SEMA3C: variants seen among roughly 807,000 people sequenced by gnomAD.
SEMA3C encodes semaphorin 3C.
In SEMA3C, 47 loss-of-function variants were observed where a neutral mutation model predicts 89.4. The ratio of observed to expected loss-of-function variants is 0.53; its 90% confidence interval spans 0.42 to 0.67. The LOEUF (loss-of-function observed/expected upper bound fraction) is 0.67. Ranked by LOEUF, SEMA3C falls within the 30% of genes least tolerant of loss-of-function variation. SEMA3C has a pLI of 0.00. For synonymous variants in SEMA3C, 310 were observed against 320.2 expected (o/e 0.97, Z 0.34); for missense variants, 839 against 929.1 (o/e 0.90, Z 1.26).
At chr7:80,761,132 A>G (rs927989856) in intron 14 of SEMA3C, among the ~76,000 whole-genome samples, 11 of 152,066 alleles carry the variant, frequency 7.2e-5, no homozygotes, top group African/African-American at 2.7e-4. Context: ...TTTTTTTGAC[A>G]TGTTTAAATC....
At chr7:80,783,584 G>A (rs954362989) in intron 12 of SEMA3C, among the ~76,000 whole-genome samples, 2 of 152,140 alleles carry the variant, frequency 1.3e-5, no homozygotes, top group Non-Finnish European at 2.9e-5. Context: ...GACAGTCATC[G>A]TTTCTGAACT....
At chr7:80,821,055 ATATC>A (rs1411002535) in intron 4 of SEMA3C, among the ~76,000 whole-genome samples, 4 of 152,320 alleles carry the variant, frequency 2.6e-5, no homozygotes, top group African/African-American at 4.8e-5. Flanking sequence ...TTTCATGTAT[ATATC>A]TATCTGCTTA....
intron 12 of SEMA3C, among the ~76,000 whole-genome samples, chr7:80,787,386 C>T (rs1189297811): frequency 7.7e-6 from 1 of 130,316 alleles, no homozygotes; most frequent in Non-Finnish European, 1.6e-5. Flanking sequence ...AGCAAGACTC[C>T]GTTTAAAAAA....
chr7:80,899,366 T>C (rs892235227), intron 2 of SEMA3C, among the ~76,000 whole-genome samples: 1 of 152,192 alleles, frequency 6.6e-6, no homozygotes, highest in Non-Finnish European at 1.5e-5. Flanking sequence ...GTAACAAATA[T>C]GTTCGTAGAC....
chr7:80,747,365 G>T (rs1462169424), intron 17 of SEMA3C, among the ~76,000 whole-genome samples: 2 of 151,898 alleles, frequency 1.3e-5, no homozygotes, highest in African/African-American at 4.8e-5. Context: ...TTAAATCATA[G>T]ATGTTATATT....
At chr7:80,824,179 T>C (rs1392682808) in intron 4 of SEMA3C, among the ~76,000 whole-genome samples, 1 of 152,218 alleles carries the variant, frequency 6.6e-6, no homozygotes, top group Non-Finnish European at 1.5e-5. Flanking sequence ...TCAGTTGTTA[T>C]AGCAGTATGG....
At chr7:80,776,867 T>G (rs540495809) in intron 12 of SEMA3C, among the ~76,000 whole-genome samples, 2 of 152,184 alleles carry the variant, frequency 1.3e-5, no homozygotes, top group African/African-American at 4.8e-5. Flanking sequence ...TTTTTTTGGT[T>G]TTGTTCACTG....
intron 2 of SEMA3C, among the ~76,000 whole-genome samples, chr7:80,895,462 T>C (rs1389734345): frequency 2.0e-5 from 3 of 152,194 alleles, no homozygotes; most frequent in Non-Finnish European, 4.4e-5. Context: ...AATGTTCAGA[T>C]GCAGCAATCT....
At chr7:80,856,031 A>G (rs956182218) in intron 2 of SEMA3C, among the ~76,000 whole-genome samples, 3 of 152,172 alleles carry the variant, frequency 2.0e-5, no homozygotes, top group Non-Finnish European at 4.4e-5. Flanking sequence ...ATTAAATATA[A>G]GGAGATAACA....
intron 2 of SEMA3C, among the ~76,000 whole-genome samples, chr7:80,912,184 A>G (rs1297954363): frequency 6.6e-6 from 1 of 152,162 alleles, no homozygotes. Context: ...CATTTTTCTA[A>G]AATTTTTTCT....
chr7:80,889,299 A>C (rs1791556204), intron 2 of SEMA3C, among the ~76,000 whole-genome samples: 1 of 152,226 alleles, frequency 6.6e-6, no homozygotes, highest in Admixed American at 6.5e-5. Flanking sequence ...AGTTTACAGG[A>C]ATAAGATGTA....
At chr7:80,879,158 A>G (rs1204751963) in intron 2 of SEMA3C, among the ~76,000 whole-genome samples, 1 of 152,116 alleles carries the variant, frequency 6.6e-6, no homozygotes, top group African/African-American at 2.4e-5. Context: ...TTGCTACCAA[A>G]CAAGAGAAGG....
At chr7:80,802,442 T>C (rs569223211) in intron 9 of SEMA3C, among the ~76,000 whole-genome samples, 1 of 152,284 alleles carries the variant, frequency 6.6e-6, no homozygotes, top group South Asian at 2.1e-4. Flanking sequence ...TCATATATTA[T>C]GGTGAATTCA....
chr7:80,809,921 C>CA (rs1480333620), intron 6 of SEMA3C, among the ~76,000 whole-genome samples: 4 of 151,580 alleles, frequency 2.6e-5, no homozygotes, highest in Non-Finnish European at 4.4e-5. Flanking sequence ...CTCATAGAAA[C>CA]AGAGGGTAGA....
At chr7:80,890,818 T>A (rs1562972102) in intron 2 of SEMA3C, among the ~76,000 whole-genome samples, 1 of 152,258 alleles carries the variant, frequency 6.6e-6, no homozygotes, top group Non-Finnish European at 1.5e-5. Context: ...TCAAATGTGC[T>A]GTGCCTTAAA....
At chr7:80,798,444 G>A (rs1789119301) in intron 10 of SEMA3C, among the ~76,000 whole-genome samples, 1 of 152,158 alleles carries the variant, frequency 6.6e-6, no homozygotes, top group African/African-American at 2.4e-5. Context: ...CATGGAGTCA[G>A]TAGACAATAA....
At chr7:80,812,970 T>A (rs1341528596) in intron 5 of SEMA3C, among the ~76,000 whole-genome samples, 1 of 148,204 alleles carries the variant, frequency 6.7e-6, no homozygotes. Flanking sequence ...TATTTTTTTT[T>A]TTTTTTTTTT....
intron 12 of SEMA3C, among the ~76,000 whole-genome samples, chr7:80,774,539 G>A (rs1658963627): frequency 6.6e-6 from 1 of 151,990 alleles, no homozygotes; most frequent in South Asian, 2.1e-4. Flanking sequence ...AAACAAAATG[G>A]AAATTTTAGA....
chr7:80,761,614 AC>A lies in SEMA3C; in HGVS notation c.1485+1del, dbSNP rs1432090918. On this transcript the variant is annotated splice_donor_variant, in intron 14 of 17. Coordinates refer to ENST00000265361, the MANE Select transcript of SEMA3C (RefSeq NM_006379.5). LOFTEE classifies it high-confidence loss of function. ...AAGAACATAAAATAGCTTAGTTTTT[AC>A]CTTTTTAGATGAAATTTTCATTGTT... is the stretch of plus-strand genomic sequence containing the variant. The A allele has an allele frequency of 1.5e-6, 2 of 1,301,684 alleles. No individual in the cohort carries two copies. Among genetic ancestry groups the A allele is most frequent in the Non-Finnish European group, 2.1e-6 (2 of 934,484 alleles). 80.6% of individuals were successfully genotyped at this position (1,301,684 alleles called of 1,614,324 possible).
Sources: allele counts gnomAD v4.1 joint callset (sites outside exome capture counted in the v4.1 genomes callset), GRCh38; gene constraint gnomAD v4.1.1; transcripts MANE v1.5; gene names NCBI Gene and HGNC (gene_info 2026-07-23, HGNC 2026-07-21).